The following MB21D2 variants were observed in gnomAD, a reference collection of about 807,000 sequenced individuals.
MB21D2 encodes the protein nucleotidyltransferase MB21D2.
In MB21D2, 9 loss-of-function variants were observed where a neutral mutation model predicts 33.3. That is an observed-to-expected ratio of 0.27 (90% CI 0.16 to 0.47). The LOEUF is 0.47. Among genes scored for constraint, MB21D2 ranks in the 20% least tolerant of loss-of-function variants. The pLI, the probability that MB21D2 is intolerant of heterozygous loss-of-function variation, is 0.99. For synonymous variants in MB21D2, 241 were observed against 236.3 expected (o/e 1.02, Z -0.18); for missense variants, 540 against 624.6 (o/e 0.86, Z 1.44).
At chr3:192,888,633 C>T (rs1713784039) in intron 1 of MB21D2, among the ~76,000 whole-genome samples, 1 of 152,092 alleles carries the variant, frequency 6.6e-6, no homozygotes, top group South Asian at 2.1e-4. Flanking sequence ...TTATCACTGA[C>T]AATTCTTAAG....
intron 1 of MB21D2, among the ~76,000 whole-genome samples, chr3:192,823,382 G>C (rs181609535): frequency 6.6e-6 from 1 of 152,126 alleles, no homozygotes; most frequent in African/African-American, 2.4e-5. Context: ...GGCTGGGCAC[G>C]GTGGCTCATG....
At chr3:192,917,599 G>T (rs756354472) in intron 1 of MB21D2, 31 bp downstream of exon 1, 2 of 1,595,322 alleles carry the variant, frequency 1.3e-6, no homozygotes, top group Non-Finnish European at 1.7e-6. Context: ...ACACACACAC[G>T]CACACACACC....
chr3:192,841,532 G>C (rs944797625), intron 1 of MB21D2, among the ~76,000 whole-genome samples: 1 of 152,240 alleles, frequency 6.6e-6, no homozygotes, highest in Admixed American at 6.5e-5. Flanking sequence ...TGAAGAAGAA[G>C]TGAGATCTCC....
intron 1 of MB21D2, among the ~76,000 whole-genome samples, chr3:192,844,504 A>G (rs890037722): frequency 6.6e-6 from 1 of 152,132 alleles, no homozygotes. Flanking sequence ...TCACCAACTT[A>G]TAAGTAAATG....
chr3:192,878,614 A>G (rs530204528), intron 1 of MB21D2, among the ~76,000 whole-genome samples: 2 of 152,274 alleles, frequency 1.3e-5, no homozygotes, highest in South Asian at 4.1e-4. Flanking sequence ...CCTGACTGTG[A>G]AGATCACAAT....
At chr3:192,838,050 C>T (rs998265938) in intron 1 of MB21D2, among the ~76,000 whole-genome samples, 1 of 152,246 alleles carries the variant, frequency 6.6e-6, no homozygotes, top group Non-Finnish European at 1.5e-5. Flanking sequence ...CACAGGCTCT[C>T]TCATGAAGCT....
chr3:192,907,997 G>A (rs150016461), intron 1 of MB21D2, among the ~76,000 whole-genome samples: 1 of 152,268 alleles, frequency 6.6e-6, no homozygotes, highest in Non-Finnish European at 1.5e-5. Flanking sequence ...ACAAGCTACA[G>A]CAATCACTAT....
intron 1 of MB21D2, among the ~76,000 whole-genome samples, chr3:192,903,430 T>C (rs1233539964): frequency 6.6e-6 from 1 of 152,206 alleles, no homozygotes; most frequent in African/African-American, 2.4e-5. Context: ...CCATGATTTG[T>C]ACTTTGCATG....
At chr3:192,898,750 A>G (rs971219155) in intron 1 of MB21D2, among the ~76,000 whole-genome samples, 6 of 152,236 alleles carry the variant, frequency 3.9e-5, no homozygotes, top group African/African-American at 1.4e-4. Context: ...TTGCAAATTC[A>G]TAACCGACTG....
chr3:192,854,276 G>C (rs1241618724), intron 1 of MB21D2, among the ~76,000 whole-genome samples: 1 of 152,182 alleles, frequency 6.6e-6, no homozygotes, highest in Non-Finnish European at 1.5e-5. Context: ...ATGAATGATA[G>C]GAAAGTTAAA....
intron 1 of MB21D2, among the ~76,000 whole-genome samples, chr3:192,860,440 A>T (rs1340183420): frequency 6.6e-6 from 1 of 152,232 alleles, no homozygotes; most frequent in African/African-American, 2.4e-5. Context: ...AAACAAGTAT[A>T]TTTCAAAAGG....
intron 1 of MB21D2, among the ~76,000 whole-genome samples, chr3:192,835,971 A>T (rs777708884): frequency 9.2e-5 from 14 of 152,168 alleles, no homozygotes; most frequent in Non-Finnish European, 8.8e-5. Context: ...GATGAAAAAA[A>T]GTCCCACCAC....
chr3:192,805,138 G>C (rs561867038), intron 1 of MB21D2, among the ~76,000 whole-genome samples: 4 of 152,306 alleles, frequency 2.6e-5, no homozygotes, highest in South Asian at 2.1e-4. Flanking sequence ...AATGCACAAT[G>C]GCTTAAGAGG....
intron 1 of MB21D2, among the ~76,000 whole-genome samples, chr3:192,871,656 G>A (rs547632494): frequency 6.6e-6 from 1 of 152,214 alleles, no homozygotes; most frequent in South Asian, 2.1e-4. Context: ...CAGGATAAAG[G>A]GCCTCAAAAA....
In MB21D2 at chr3:192,859,277, A is replaced by T. The variant is rs571380120; in HGVS notation, c.211+58353T>A. Among the ~76,000 whole-genome samples the T allele has an allele frequency of 5.3e-5, 8 of 152,322 alleles. No homozygotes were observed. In the South Asian group the frequency reaches 1.7e-3, roughly 32 times the overall value. ...ATGAGGAAAAATGCTAGACGGCACT[A>T]GAAGAGAGTACACACACAGATACAT... On this transcript the variant is annotated intron_variant, in intron 1 of 1. Coordinates refer to ENST00000392452, the MANE Select transcript of MB21D2 (RefSeq NM_178496.4).
At position 192,798,595 on chromosome 3, in the gene MB21D2, G is replaced by C. The variant is rs766271374; in HGVS notation, c.1267C>G (p.Arg423Gly). The C allele has an allele frequency of 6.2e-7, 1 of 1,614,042 alleles. No individual in the cohort carries two copies. Among genetic ancestry groups the C allele is most frequent in the Non-Finnish European group, 8.5e-7 (1 of 1,180,028 alleles). ...TAIEHVKAAN[R>G]LTLELQRRGS... ...CGCCTCTGGAGCTCCAGTGTCAGCC[G>C]GTTGGCTGCCTTGACATGCTCAATG... Residue 423 changes from arginine to glycine, a missense_variant, in exon 2 of 2, where the codon CGG (arginine) becomes GGG (glycine). Physicochemically the swap from Arg to Gly is moderately radical, Grantham distance 125. Coordinates refer to ENST00000392452, the MANE Select transcript of MB21D2 (RefSeq NM_178496.4). This position sits in a 1 kb window ranked among gnomAD's most constrained non-coding sequence, Gnocchi z 4.8.
chr3:192,835,349 G>A (rs1296025212), intron 1 of MB21D2, among the ~76,000 whole-genome samples: 13 of 149,310 alleles, frequency 8.7e-5, no homozygotes, highest in African/African-American at 1.7e-4. Context: ...CCAGCTACTC[G>A]GGAGGTTGAG....
chr3:192,858,161 C>A (rs1431684797), intron 1 of MB21D2, among the ~76,000 whole-genome samples: 1 of 151,956 alleles, frequency 6.6e-6, no homozygotes, highest in Non-Finnish European at 1.5e-5. Context: ...AAAAAAGTGG[C>A]CTTGGAAACC....
intron 1 of MB21D2, among the ~76,000 whole-genome samples, chr3:192,828,930 T>C (rs1221239220): frequency 6.6e-6 from 1 of 151,650 alleles, no homozygotes; most frequent in Non-Finnish European, 1.5e-5. Flanking sequence ...ATTACAGGCA[T>C]AAGCCAACGT....
Sources: allele counts gnomAD v4.1 joint callset (sites outside exome capture counted in the v4.1 genomes callset), GRCh38; gene constraint gnomAD v4.1.1; non-coding constraint Gnocchi (gnomAD v3.1); transcripts MANE v1.5; gene names NCBI Gene and HGNC (gene_info 2026-07-23, HGNC 2026-07-21).